Variants in FMNL1 observed in about 807,000 individuals in gnomAD.
The protein encoded by FMNL1 is formin like 1, also known as formin-like protein 1.
Under a neutral mutation model 121.3 loss-of-function variants are expected in FMNL1, and 43 were observed. The ratio of observed to expected loss-of-function variants is 0.35; its 90% CI spans 0.28 to 0.46. The LOEUF (loss-of-function observed/expected upper bound fraction) is 0.46, where lower values mean the gene tolerates loss of function less well. FMNL1 is among the 20% of genes least tolerant of loss of function. The probability of loss-of-function intolerance (pLI) is 1.00; values close to 1 mark genes in which losing one functional copy is unlikely to be tolerated. For synonymous variants in FMNL1, 613 were observed against 613.5 expected (o/e 1.00, Z 0.01); for missense variants, 1,191 against 1,482.4 (o/e 0.80, Z 3.23).
intron 1 of FMNL1, among the ~76,000 whole-genome samples, chr17:45,225,124 C>T (rs1269051216): frequency 5.9e-5 from 9 of 152,186 alleles, no homozygotes; most frequent in South Asian, 2.1e-4. Context: ...GGGTGGTGTA[C>T]GTGAGGCCAA....
intron 25 of FMNL1, 63 bp from the exon 26 acceptor site, chr17:45,246,441 CT>C: frequency 6.2e-7 from 1 of 1,613,324 alleles, no homozygotes; most frequent in Non-Finnish European, 8.5e-7. Flanking sequence ...TTCTTGCTAC[CT>C]TTTCTGTTTT....
chr17:45,235,993 A>G, intron 6 of FMNL1, 143 bp from the exon 7 acceptor site: 2 of 662,688 alleles, frequency 3.0e-6, no homozygotes, highest in Non-Finnish European at 5.2e-6. Context: ...GCCTGCCCTC[A>G]GCCAGCCTCT....
At position 45,237,553 on chromosome 17, in the gene FMNL1, G is replaced by A; in HGVS notation, c.808G>A (p.Ala270Thr). 6.2e-7 allele frequency: 1 copy of A among 1,614,156 alleles called. No individual in the cohort carries two copies. The highest frequency in any genetic ancestry group is 1.1e-5 in the South Asian group (1 of 91,080). ...TGCCCCTTCTCTCTCCAGAACCAAG[G>A]CTCTGGTGCTGGAGCTGCTGGCGGC... ...SLNNKNPRTKALVLELLAAVC... is the reference protein window; with the variant it reads ...SLNNKNPRTKTLVLELLAAVC... The change falls in exon 9 of 27, where the codon GCT becomes ACT. Residue 270 changes from alanine (A) to threonine (T), a missense_variant. Ala to Thr is a moderately conservative substitution (Grantham distance 58). This residue lies in a region of FMNL1 where 253 missense variants were observed against 417.5 expected (regional missense o/e 0.61). Transcript: ENST00000331495. This position sits in a 1 kb window ranked among gnomAD's most constrained non-coding sequence, Gnocchi z 4.4.
chr17:45,238,797 T>A, intron 10 of FMNL1, 158 bp from the exon 11 acceptor site: 5 of 1,090,498 alleles, frequency 4.6e-6, no homozygotes, highest in Non-Finnish European at 6.8e-6. Context: ...GGGGCTGGAT[T>A]GAGGGAACAT....
rs139238536 is a variant in FMNL1 at position 45,232,299 on chromosome 17, C to A, written c.214-68C>A. 5 of 1,425,844 alleles carry A rather than the reference C, an allele frequency of 3.5e-6. No homozygotes were observed. In the African/African-American group the frequency reaches 5.7e-5, roughly 16 times the overall value. 88.3% of individuals were successfully genotyped at this position (1,425,844 alleles called of 1,614,324 possible). A position where few individuals can be genotyped will look rare whatever the true frequency, so the allele number is the denominator to read the frequency against. On this transcript the variant is annotated intron_variant, in intron 2 of 26. Transcript: ENST00000331495. ...CGGAGCTGAGAATGGGACACTGGGA[C>A]GAGAACTGGTCATTTGCCCTGGGGT...
rs1260098579 is a variant in FMNL1 at position 45,246,908 on chromosome 17, C to T, written c.*50C>T. 4.0e-6 allele frequency: 3 copies of T among 757,724 alleles called. No individual in the cohort carries two copies. The highest frequency in any genetic ancestry group is 1.7e-5 in the Admixed American group (1 of 57,962). 46.9% of individuals were successfully genotyped at this position (757,724 alleles called of 1,614,324 possible). A position where few individuals can be genotyped will look rare whatever the true frequency, so the allele number is the denominator to read the frequency against. ...CTACATCCGCGCAGACACAGGCCGC[C>T]GCAGTGCCCGTCGGCGTCCCCCGGG... is the stretch of plus-strand genomic sequence containing the variant. On this transcript the variant is annotated 3_prime_UTR_variant, in exon 27 of 27. Transcript: ENST00000331495.
chr17:45,241,150 G>A lies in FMNL1; in HGVS notation c.1252G>A (p.Ala418Thr). 3 of 1,614,100 alleles carry A rather than the reference G, an allele frequency of 1.9e-6. No homozygotes were observed. Among genetic ancestry groups the A allele is most frequent in the Non-Finnish European group, 2.5e-6 (3 of 1,179,980 alleles). Reference sequence around the variant, plus strand: ...ACAGCTGACAGAGCGGCTTCGGGACGCGGAGAACGAATCCATGGCCAAGAT... The same window carrying A: ...ACAGCTGACAGAGCGGCTTCGGGACACGGAGAACGAATCCATGGCCAAGAT... ...VALLTERLRD[A>T]ENESMAKIAE... Residue 418 changes from alanine (A) to threonine (T), a missense_variant, in exon 13 of 27, where the codon GCG becomes ACG. By Grantham distance (58) the Ala-to-Thr change is moderately conservative. This residue lies in a region of FMNL1 where 519 missense variants were observed against 492.8 expected (regional missense o/e 1.05). Coordinates refer to ENST00000331495, the MANE Select transcript of FMNL1 (RefSeq NM_005892.4). The surrounding 1 kb of genome is among the most constrained non-coding windows in gnomAD (Gnocchi z 7.0).
chr17:45,226,241 A>G (rs1906342), intron 1 of FMNL1, among the ~76,000 whole-genome samples: 69,101 of 152,098 alleles, frequency 0.45, 16,406 homozygotes, highest in Non-Finnish European at 0.54. Flanking sequence ...TGGGGCAGCG[A>G]TGGTGCTAAC....
Position 45,241,458 on chromosome 17 carries a change from C to G in FMNL1, c.1409C>G (p.Pro470Arg). 6.4e-7 allele frequency: 1 copy of G among 1,568,780 alleles called. No homozygotes were observed. Among genetic ancestry groups the G allele is most frequent in the Non-Finnish European group, 8.6e-7 (1 of 1,157,636 alleles). The change falls in exon 14 of 27, where the codon CCG becomes CGG. Residue 470 changes from proline to arginine, a missense_variant. Physicochemically the swap from Pro to Arg is moderately radical, Grantham distance 103. This residue lies in a region of FMNL1 where 519 missense variants were observed against 492.8 expected (regional missense o/e 1.05). Transcript: ENST00000331495. The surrounding 1 kb of genome is among the most constrained non-coding windows in gnomAD (Gnocchi z 7.0). ...PEPEKAPPAA[P>R]TRPSALELKV... ...CCTGAGAAAGCGCCTCCCGCTGCCC[C>G]GACGCGGCCCTCGGCCCTGGAGCTG... is the stretch of plus-strand genomic sequence containing the variant.
chr17:45,244,809 C>A lies in FMNL1; in HGVS notation c.2518-10C>A. 6.2e-7 allele frequency: 1 copy of A among 1,607,322 alleles called. No individual in the cohort carries two copies. Among genetic ancestry groups the A allele is most frequent in the Non-Finnish European group, 8.5e-7 (1 of 1,176,524 alleles). ...GGCATTCTGCTGAGCCTTTCTCCTG[C>A]CTCTCCCAGATTGTCCTGGCCTTTG... On this transcript the variant is annotated splice_polypyrimidine_tract_variant and intron_variant, in intron 19 of 26. Transcript: ENST00000331495.
At chr17:45,240,426 C>A in intron 11 of FMNL1, 50 bp from the exon 12 acceptor site, 1 of 1,530,934 alleles carries the variant, frequency 6.5e-7, no homozygotes. Flanking sequence ...GAAAGACTCC[C>A]CCCCACACAC....
intron 1 of FMNL1, among the ~76,000 whole-genome samples, chr17:45,229,875 T>C (rs2143278257): frequency 6.6e-6 from 1 of 152,198 alleles, no homozygotes; most frequent in East Asian, 1.9e-4. Context: ...GGGCACTGGC[T>C]CTTCTCCCCA....
chr17:45,240,707 C>G, intron 12 of FMNL1, 82 bp downstream of exon 12: 1 of 1,513,714 alleles, frequency 6.6e-7, no homozygotes. Context: ...AGCATGGGCA[C>G]TGGGCAGCAG....
rs1015479447 is a variant in FMNL1 at position 45,240,727 on chromosome 17, T to C, written c.1230+102T>C. The C allele has an allele frequency of 9.6e-6, 14 of 1,450,870 alleles. No homozygotes were observed. The African/African-American group carries it at 2.0e-4, about 21-fold the overall frequency. 89.9% of individuals were successfully genotyped at this position (1,450,870 alleles called of 1,614,324 possible). A position where few individuals can be genotyped will look rare whatever the true frequency, so the allele number is the denominator to read the frequency against. On this transcript the variant is annotated intron_variant, in intron 12 of 26. Transcript: ENST00000331495. Reference sequence around the variant, plus strand: ...GGGCACTGGGCAGCAGACAGTGTTATAATTGTGCATTGGAGGTGCTGCCTG... The same window carrying C: ...GGGCACTGGGCAGCAGACAGTGTTACAATTGTGCATTGGAGGTGCTGCCTG...
intron 3 of FMNL1, chr17:45,232,939 T>TGC: frequency 3.5e-6 from 2 of 568,904 alleles, no homozygotes; most frequent in Non-Finnish European, 6.7e-6. Context: ...TGTGTGTGTG[T>TGC]GCGCACACAC....
Position 45,242,136 on chromosome 17 carries a change from A to G in FMNL1, c.1875A>G (p.Glu625=). 1 of 1,537,690 alleles carries G rather than the reference A, an allele frequency of 6.5e-7. No homozygotes were observed. The highest frequency in any genetic ancestry group is 8.8e-7 in the Non-Finnish European group (1 of 1,142,244). ...ATGCCCTAGGAAGACGCGACTCAGAATTGGGCCCAGGTGAGTGGAGTGGAC... is the reference window on the plus strand; with the variant it reads ...ATGCCCTAGGAAGACGCGACTCAGAGTTGGGCCCAGGTGAGTGGAGTGGAC... ...PPDALGRRDS[E]LGPGVKAKKP... Residue 625 remains glutamate, a synonymous_variant, in exon 15 of 27, where the codon GAA becomes GAG. Transcript: ENST00000331495.
At chr17:45,244,351 T>C in intron 19 of FMNL1, 107 bp downstream of exon 19, 1 of 1,342,124 alleles carries the variant, frequency 7.5e-7, no homozygotes, top group Non-Finnish European at 1.0e-6. Context: ...TTCCCACTTC[T>C]CATGTACATG....
chr17:45,229,026 G>T (rs921240895), intron 1 of FMNL1, among the ~76,000 whole-genome samples: 4 of 149,430 alleles, frequency 2.7e-5, no homozygotes, highest in Non-Finnish European at 5.9e-5. Context: ...GAATGACCTC[G>T]CCTCCTTTGT....
intron 26 of FMNL1, 114 bp downstream of exon 26, chr17:45,246,718 TG>T: frequency 9.0e-7 from 1 of 1,113,702 alleles, no homozygotes; most frequent in South Asian, 1.5e-5. Context: ...ATGTGATTTG[TG>T]GGGTGGAGGG....
Sources: allele counts gnomAD v4.1 joint callset (sites outside exome capture counted in the v4.1 genomes callset), GRCh38; gene constraint gnomAD v4.1.1; regional missense constraint gnomAD v4.1.1; non-coding constraint Gnocchi (gnomAD v3.1); transcripts MANE v1.5; gene names NCBI Gene and HGNC (gene_info 2026-07-23, HGNC 2026-07-21).